Variants in DSCAM observed in about 807,000 individuals in gnomAD.
The protein encoded by DSCAM is cell adhesion molecule DSCAM.
DSCAM carries 47 observed loss-of-function variants against 217.7 expected under a neutral mutation model. The observed-to-expected ratio is 0.22, with a 90% CI of 0.17 to 0.28. The LOEUF (loss-of-function observed/expected upper bound fraction) is 0.28. DSCAM is among the 10% of genes least tolerant of loss of function. The pLI, the probability that DSCAM is intolerant of heterozygous loss-of-function variation, is 1.00. For synonymous variants in DSCAM, 1,056 were observed against 1,015.3 expected (o/e 1.04, Z -0.76); for missense variants, 2,080 against 2,618.3 (o/e 0.79, Z 4.49).
At chr21:40,396,940 C>A (rs2123765911) in intron 3 of DSCAM, among the ~76,000 whole-genome samples, 1 of 152,234 alleles carries the variant, frequency 6.6e-6, no homozygotes, top group Admixed American at 6.5e-5. Flanking sequence ...TCCCAGATCA[C>A]CACATCTAGA....
chr21:40,506,029 C>T (rs1244175545), intron 3 of DSCAM, among the ~76,000 whole-genome samples: 3 of 152,182 alleles, frequency 2.0e-5, no homozygotes, highest in Non-Finnish European at 2.9e-5. Flanking sequence ...GCAAAGTGAA[C>T]CACGGATATG....
At chr21:40,441,923 G>C (rs1421444094) in intron 3 of DSCAM, among the ~76,000 whole-genome samples, 2 of 151,896 alleles carry the variant, frequency 1.3e-5, no homozygotes, top group African/African-American at 4.8e-5. Flanking sequence ...CTTTTTCATT[G>C]CACACTGTTT....
intron 11 of DSCAM, among the ~76,000 whole-genome samples, chr21:40,192,642 A>G (rs529884284): frequency 9.2e-5 from 14 of 152,216 alleles, no homozygotes; most frequent in Admixed American, 2.6e-4. Context: ...TTTTTAGATC[A>G]TTTTTTATAA....
At chr21:40,348,564 C>T (rs1207043240) in intron 5 of DSCAM, among the ~76,000 whole-genome samples, 1 of 152,090 alleles carries the variant, frequency 6.6e-6, no homozygotes, top group Non-Finnish European at 1.5e-5. Flanking sequence ...ATACTCCTAA[C>T]AGTTCTTATC....
chr21:40,761,224 C>T (rs1327533653), intron 1 of DSCAM, among the ~76,000 whole-genome samples: 2 of 152,182 alleles, frequency 1.3e-5, no homozygotes, highest in East Asian at 3.9e-4. Flanking sequence ...AAGTACAGCT[C>T]TTATCTGCTC....
At chr21:40,535,058 A>G (rs984597338) in intron 3 of DSCAM, among the ~76,000 whole-genome samples, 11 of 152,148 alleles carry the variant, frequency 7.2e-5, no homozygotes, top group Non-Finnish European at 1.5e-4. Context: ...ATACCAAGTC[A>G]CTAGGTTTTC....
At chr21:40,033,261 TA>T (rs2088563978) in intron 32 of DSCAM, among the ~76,000 whole-genome samples, 1 of 152,014 alleles carries the variant, frequency 6.6e-6, no homozygotes, top group Non-Finnish European at 1.5e-5. Flanking sequence ...CCATCTGAGG[TA>T]CCGGGTTCAT....
chr21:40,162,074 A>G lies in DSCAM; in HGVS notation c.3018+5144T>C, dbSNP rs369070040. 7.9e-5 allele frequency among the ~76,000 whole-genome samples: 12 copies of G among 152,316 alleles called. No homozygotes were observed. The East Asian group carries it at 2.3e-3, about 29-fold the overall frequency. ...GGAATAGTAAAGGGAGTTAATATTT[A>G]TTGAGCATTATTATGCACGAACTAC... On this transcript the variant is annotated intron_variant, in intron 16 of 32. Coordinates refer to ENST00000400454, the MANE Select transcript of DSCAM (RefSeq NM_001389.5).
At chr21:40,648,182 T>C (rs1427374312) in intron 3 of DSCAM, among the ~76,000 whole-genome samples, 1 of 151,672 alleles carries the variant, frequency 6.6e-6, no homozygotes, top group Admixed American at 6.6e-5. Context: ...ACTAAAATAA[T>C]TCAACAACCT....
At chr21:40,705,878 A>G (rs1048384963) in intron 2 of DSCAM, among the ~76,000 whole-genome samples, 4 of 152,212 alleles carry the variant, frequency 2.6e-5, no homozygotes, top group African/African-American at 9.6e-5. Flanking sequence ...CAAAAGTCCT[A>G]GTCAAATGTT....
chr21:40,019,651 C>T (rs2088226466), intron 32 of DSCAM, among the ~76,000 whole-genome samples: 1 of 152,130 alleles, frequency 6.6e-6, no homozygotes, highest in Non-Finnish European at 1.5e-5. Flanking sequence ...GTCCAAGGAT[C>T]CTTTGTGCTT....
intron 3 of DSCAM, among the ~76,000 whole-genome samples, chr21:40,585,141 T>G (rs972018088): frequency 2.6e-5 from 4 of 151,208 alleles, no homozygotes; most frequent in Admixed American, 6.6e-5. Context: ...GGGCAATGCT[T>G]CTTGTGCAGC....
intron 32 of DSCAM, among the ~76,000 whole-genome samples, chr21:40,037,659 G>A (rs192442675): frequency 0.04 from 4,849 of 121,540 alleles, 237 homozygotes; most frequent in African/African-American, 0.13. Flanking sequence ...AGAATTGGAA[G>A]AAACTACTTT....
At chr21:40,790,310 T>C (rs1348938672) in intron 1 of DSCAM, among the ~76,000 whole-genome samples, 2 of 151,530 alleles carry the variant, frequency 1.3e-5, no homozygotes, top group African/African-American at 4.9e-5. Context: ...GCCCCTCGAG[T>C]AGCTGGGATT....
rs750551501 is a variant in DSCAM, at chr21:40,743,336, A to G, written c.44-34565T>C. ...GCCCAAAATAAATTGTTTCTGCATC[A>G]TCAACTCCTGGCAACAACTTTGCTA... On this transcript the variant is annotated intron_variant, in intron 1 of 32. Transcript: ENST00000400454. Among the ~76,000 whole-genome samples the G allele has an allele frequency of 9.2e-5, 14 of 152,222 alleles. 1 individual carries two copies. Among genetic ancestry groups the G allele is most frequent in the African/African-American group, 3.4e-4 (14 of 41,460 alleles).
chr21:40,481,309 G>A lies in DSCAM; in HGVS notation c.509-112064C>T, dbSNP rs1046170824. Among the ~76,000 whole-genome samples, 5 of 152,018 alleles carry A rather than the reference G, an allele frequency of 3.3e-5. No individual in the cohort carries two copies. The South Asian group carries it at 8.3e-4, about 25-fold the overall frequency. ...TCGAGACCATCCCGGCTAACATGGTGAAACCCCGTCTCTACTAAGAATACA... is the reference window on the plus strand; with the variant it reads ...TCGAGACCATCCCGGCTAACATGGTAAAACCCCGTCTCTACTAAGAATACA... On this transcript the variant is annotated intron_variant, in intron 3 of 32. Coordinates refer to ENST00000400454, the MANE Select transcript of DSCAM (RefSeq NM_001389.5).
intron 1 of DSCAM, among the ~76,000 whole-genome samples, chr21:40,791,478 C>T (rs906046962): frequency 3.3e-5 from 5 of 151,642 alleles, no homozygotes; most frequent in African/African-American, 1.2e-4. Context: ...CACGGTGAAA[C>T]CCCGTCTGTA....
chr21:40,765,358 C>T (rs929073123), intron 1 of DSCAM, among the ~76,000 whole-genome samples: 1 of 138,166 alleles, frequency 7.2e-6, no homozygotes, highest in Non-Finnish European at 1.7e-5. Flanking sequence ...CCTCCTCCTC[C>T]TCTGCTTCCG....
chr21:40,576,225 GT>G (rs1320158015), intron 3 of DSCAM, among the ~76,000 whole-genome samples: 2 of 152,168 alleles, frequency 1.3e-5, no homozygotes, highest in East Asian at 3.8e-4. Context: ...TAGGAAAAAT[GT>G]TTAGAAAAGA....
Sources: gnomAD v4.1 joint callset for allele counts (sites outside exome capture counted in the v4.1 genomes callset) on GRCh38, gnomAD v4.1.1 for gene constraint, MANE v1.5 for transcripts, NCBI Gene and HGNC (gene_info 2026-07-23, HGNC 2026-07-21) for gene names.